PRKCB: variants seen among roughly 807,000 people sequenced by gnomAD.
PRKCB encodes protein kinase C beta type.
In PRKCB, 13 loss-of-function variants were observed where a neutral mutation model predicts 81.5. The ratio of observed to expected loss-of-function variants is 0.16; its 90% confidence interval spans 0.10 to 0.25. The LOEUF is 0.25. Among genes scored for constraint, PRKCB ranks in the 10% least tolerant of loss-of-function variants. The pLI, the probability that PRKCB is intolerant of heterozygous loss-of-function variation, is 1.00. For synonymous variants in PRKCB, 335 were observed against 321.4 expected (o/e 1.04, Z -0.45); for missense variants, 509 against 875.7 (o/e 0.58, Z 5.29).
Position 24,218,114 on chromosome 16 carries a change from C to T in PRKCB, c.*3298C>T. The stretch of plus-strand genomic sequence containing the variant: ...CACTAGTGAAGAAGCAGATGAGGAC[C>T]CTGTTTATTGTTTCTCTCCAAGAAA... On this transcript the variant is annotated 3_prime_UTR_variant, in exon 17 of 17. Transcript: ENST00000643927. 3.0e-6 allele frequency: 3 copies of T among 985,194 alleles called. No homozygotes were observed. Among genetic ancestry groups the T allele is most frequent in the Non-Finnish European group, 3.6e-6 (3 of 829,882 alleles). The allele number at this position is 985,194 out of a possible 1,614,324, so 61.0% of individuals were successfully genotyped here.
At chr16:24,191,601 T>C (rs1596591198) in intron 16 of PRKCB, 1 of 165,742 alleles carries the variant, frequency 6.0e-6, no homozygotes, top group Middle Eastern at 2.8e-3. Context: ...TTCAACTGTG[T>C]CATTTTTTCT....
In PRKCB at chr16:24,008,402, C is replaced by T. The variant is rs117166498; in HGVS notation, c.288+19812C>T. On this transcript the variant is annotated intron_variant, in intron 3 of 16. Transcript: ENST00000643927. ...GTCCAGATGCGTGTGGACATCTCTC[C>T]CAAACAGGATCAAATTGGCCTCTTC... Among the ~76,000 whole-genome samples, 1,503 of 152,336 alleles carry T rather than the reference C, an allele frequency of 9.9e-3. 23 individuals are homozygous for T. The highest frequency in any genetic ancestry group is 0.019 in the Admixed American group (296 of 15,300).
In PRKCB at chr16:24,102,055, C is replaced by T. The variant is rs545723943; in HGVS notation, c.821+7758C>T. ...CTAAGCATATACAAATTCCATTCTG[C>T]CTCCTGATACAGGGTTAGGTGGAAG... On this transcript the variant is annotated intron_variant, in intron 7 of 16. Transcript: ENST00000643927. Among the ~76,000 whole-genome samples, 5 of 152,292 alleles carry T rather than the reference C, an allele frequency of 3.3e-5. No individual in the cohort carries two copies. The South Asian group carries it at 1.0e-3, about 32-fold the overall frequency.
intron 2 of PRKCB, among the ~76,000 whole-genome samples, chr16:23,971,894 G>A (rs140993174): frequency 5.3e-5 from 8 of 152,148 alleles, no homozygotes; most frequent in African/African-American, 1.9e-4. Context: ...GTATGATACA[G>A]CAATTCCACT....
intron 2 of PRKCB, among the ~76,000 whole-genome samples, chr16:23,978,186 A>C (rs1352036903): frequency 6.6e-6 from 1 of 152,196 alleles, no homozygotes; most frequent in Non-Finnish European, 1.5e-5. Context: ...TTTTTAAAAA[A>C]ATCCTATTTC....
chr16:23,866,286 C>G (rs1000695470), intron 2 of PRKCB, among the ~76,000 whole-genome samples: 14 of 152,058 alleles, frequency 9.2e-5, no homozygotes, highest in Admixed American at 3.9e-4. Flanking sequence ...TCCCCATACA[C>G]GTATCTTCTG....
At chr16:23,908,779 A>G (rs1963606747) in intron 2 of PRKCB, among the ~76,000 whole-genome samples, 1 of 151,864 alleles carries the variant, frequency 6.6e-6, no homozygotes, top group African/African-American at 2.4e-5. Flanking sequence ...CAGCCTCCCA[A>G]AGTGCTGGGA....
intron 2 of PRKCB, among the ~76,000 whole-genome samples, chr16:23,965,279 A>C (rs1016981319): frequency 1.3e-5 from 2 of 152,244 alleles, no homozygotes; most frequent in African/African-American, 4.8e-5. Flanking sequence ...CTCACTTAGG[A>C]TAGTGGCCTC....
intron 2 of PRKCB, among the ~76,000 whole-genome samples, chr16:23,924,827 T>A (rs1963874871): frequency 6.6e-6 from 1 of 152,128 alleles, no homozygotes; most frequent in Non-Finnish European, 1.5e-5. Flanking sequence ...GAAAACATCA[T>A]GTTGTACACT....
At chr16:24,188,547 G>C (rs1967740428) in intron 15 of PRKCB, among the ~76,000 whole-genome samples, 3 of 152,022 alleles carry the variant, frequency 2.0e-5, no homozygotes, top group Non-Finnish European at 2.9e-5. Flanking sequence ...AATTGAAGCA[G>C]TGTCCTTTAT....
At chr16:24,163,960 A>G (rs1472277059) in intron 10 of PRKCB, among the ~76,000 whole-genome samples, 3 of 152,256 alleles carry the variant, frequency 2.0e-5, no homozygotes, top group African/African-American at 7.2e-5. Context: ...CTCTGGAGAG[A>G]AACAGATGGT....
intron 2 of PRKCB, among the ~76,000 whole-genome samples, chr16:23,935,559 T>C (rs575461367): frequency 3.5e-4 from 53 of 152,222 alleles, no homozygotes; most frequent in African/African-American, 1.2e-3. Flanking sequence ...AAAATCTCTT[T>C]TAAAATAGTG....
intron 2 of PRKCB, among the ~76,000 whole-genome samples, chr16:23,938,937 C>T (rs1964101991): frequency 6.6e-6 from 1 of 152,094 alleles, no homozygotes; most frequent in Non-Finnish European, 1.5e-5. Flanking sequence ...TATTTGCAAA[C>T]GACATGCGTA....
At chr16:24,070,667 T>G (rs1966096289) in intron 5 of PRKCB, among the ~76,000 whole-genome samples, 2 of 152,150 alleles carry the variant, frequency 1.3e-5, no homozygotes, top group South Asian at 4.1e-4. Context: ...ACTGTTGCTA[T>G]TCTCATATTA....
chr16:24,077,431 CCAATCCATACATT>C (rs1966192998), intron 5 of PRKCB, among the ~76,000 whole-genome samples: 2 of 150,318 alleles, frequency 1.3e-5, no homozygotes, highest in African/African-American at 4.9e-5. Context: ...ATCCATCCAT[CCAATCCATACATT>C]CATCCATCTA....
intron 2 of PRKCB, among the ~76,000 whole-genome samples, chr16:23,958,750 C>T (rs1477213989): frequency 6.9e-6 from 1 of 145,726 alleles, no homozygotes; most frequent in Non-Finnish European, 1.5e-5. Context: ...CACTCCCTTC[C>T]ACCCCCTCTT....
intron 2 of PRKCB, among the ~76,000 whole-genome samples, chr16:23,891,150 A>G (rs1041021229): frequency 1.3e-4 from 20 of 151,088 alleles, no homozygotes; most frequent in Non-Finnish European, 2.4e-4. Context: ...GAGCCTCCCA[A>G]CTCAGCCTCC....
intron 3 of PRKCB, among the ~76,000 whole-genome samples, chr16:24,031,540 G>C (rs1418724312): frequency 6.6e-6 from 1 of 152,216 alleles, no homozygotes; most frequent in African/African-American, 2.4e-5. Flanking sequence ...TATCTGGATA[G>C]CCATGCTCTC....
chr16:24,052,136 C>A, intron 5 of PRKCB, among the ~76,000 whole-genome samples: 1 of 134,950 alleles, frequency 7.4e-6, no homozygotes. Context: ...ATTATTTTAT[C>A]AAAATAGGAT....
Sources: gnomAD v4.1 joint callset for allele counts (sites outside exome capture counted in the v4.1 genomes callset) on GRCh38, gnomAD v4.1.1 for gene constraint, MANE v1.5 for transcripts, NCBI Gene and HGNC (gene_info 2026-07-23, HGNC 2026-07-21) for gene names.